SEMA6C: variants seen among roughly 807,000 people sequenced by gnomAD.
SEMA6C encodes the protein semaphorin 6C.
A neutral mutation model predicts 72.9 loss-of-function variants in SEMA6C; 37 were observed. The ratio of observed to expected loss-of-function variants is 0.51; its 90% confidence interval spans 0.39 to 0.67. The LOEUF (loss-of-function observed/expected upper bound fraction) is 0.67, where lower values mean the gene tolerates loss of function less well. Among genes scored for constraint, SEMA6C ranks in the 30% least tolerant of loss-of-function variants. SEMA6C has a pLI of 0.00. For synonymous variants in SEMA6C, 578 were observed against 554.1 expected, an observed-to-expected ratio of 1.04 and a Z score of -0.61; for missense variants, 1,189 against 1,263.6, an observed-to-expected ratio of 0.94 and a Z score of 0.89.
rs1233441882 is a variant in SEMA6C at position 151,133,488 on chromosome 1, C to A, written c.1789G>T (p.Ala597Ser). Residue 597 changes from alanine to serine, a missense_variant, in exon 19 of 19, where the codon GCC becomes TCC. By Grantham distance (99) the Ala-to-Ser change is moderately conservative. Around this residue, in one of 2 missense-constraint regions of SEMA6C, gnomAD observed 721 missense variants for 686.2 expected, o/e 1.05. Transcript: ENST00000368914. The surrounding 1 kb of genome is among the most constrained non-coding windows in gnomAD (Gnocchi z 5.9). ...GVRRDLPPAS[A>S]SRSVPIPLLL... ...AGTGGGATGGGGACGGAGCGGGAGGCCGAGGCTGGGGGCAGGTCCCGGCGC... is the reference window on the plus strand; with the variant it reads ...AGTGGGATGGGGACGGAGCGGGAGGACGAGGCTGGGGGCAGGTCCCGGCGC... The A allele has an allele frequency of 6.5e-7, 1 of 1,533,738 alleles. No homozygotes were observed.
chr1:151,138,543 G>T lies in SEMA6C; in HGVS notation c.456+87C>A, dbSNP rs1246632794. 3 of 1,458,842 alleles carry T rather than the reference G, an allele frequency of 2.1e-6. No individual in the cohort carries two copies. The highest frequency in any genetic ancestry group is 1.8e-5 in the Admixed American group (1 of 55,478). 90.4% of individuals were successfully genotyped at this position (1,458,842 alleles called of 1,614,324 possible). Reference sequence around the variant, plus strand: ...TTCTGGGCACTCCCATTCCCCAACCGCAGTCCTTGGTCCTTTCCCATCAAA... The same window carrying T: ...TTCTGGGCACTCCCATTCCCCAACCTCAGTCCTTGGTCCTTTCCCATCAAA... On this transcript the variant is annotated intron_variant, in intron 7 of 18. Coordinates refer to ENST00000368914, the MANE Select transcript of SEMA6C (RefSeq NM_030913.6).
In SEMA6C at chr1:151,132,039, T is replaced by G; in HGVS notation, c.*445A>C. ...CGACTGCCGCCCTCCCCCGCCCGAG[T>G]GAAGTCAGGCAGTGGCTGCAGACAC... On this transcript the variant is annotated 3_prime_UTR_variant, in exon 19 of 19. Transcript: ENST00000368914. The G allele has an allele frequency of 2.5e-6, 1 of 400,230 alleles. No individual in the cohort carries two copies. Among genetic ancestry groups the G allele is most frequent in the South Asian group, 2.3e-5 (1 of 43,624 alleles). 24.8% of individuals were successfully genotyped at this position (400,230 alleles called of 1,614,324 possible). A position where few individuals can be genotyped will look rare whatever the true frequency, so the allele number is the denominator to read the frequency against.
At chr1:151,140,261 TA>T (rs1477053813) in intron 3 of SEMA6C, among the ~76,000 whole-genome samples, 171 bp from the exon 4 acceptor site, 1 of 152,244 alleles carries the variant, frequency 6.6e-6, no homozygotes, top group Non-Finnish European at 1.5e-5. Context: ...AACACAGTGT[TA>T]GCACTTTACA....
intron 6 of SEMA6C, among the ~76,000 whole-genome samples, chr1:151,138,967 C>T (rs184635322): frequency 2.0e-5 from 3 of 152,178 alleles, no homozygotes; most frequent in Non-Finnish European, 2.9e-5. Context: ...GCAGCATGTG[C>T]CTGTAATCCC....
intron 3 of SEMA6C, among the ~76,000 whole-genome samples, chr1:151,140,668 T>C (rs143407818): frequency 8.3e-4 from 127 of 152,320 alleles, no homozygotes; most frequent in Middle Eastern, 3.4e-3. Flanking sequence ...GGTCAAAGGA[T>C]AGCCAGAGTT....
chr1:151,132,889 C>A lies in SEMA6C; in HGVS notation c.2388G>T (p.Pro796=). The part of the protein sequence containing the change: ...PPAPLTSRAL[P]PEPAPALLGG... Reference sequence around the variant, plus strand: ...CCAAGAGGGCGGGGGCGGGCTCCGGCGGGAGCGCCCGCGAGGTTAAAGGGG... The same window carrying A: ...CCAAGAGGGCGGGGGCGGGCTCCGGAGGGAGCGCCCGCGAGGTTAAAGGGG... The change falls in exon 19 of 19, where the codon CCG becomes CCT. Residue 796 remains proline (P), a synonymous_variant. Transcript: ENST00000368914. The A allele has an allele frequency of 1.5e-6, 2 of 1,309,442 alleles. No homozygotes were observed. The highest frequency in any genetic ancestry group is 9.7e-7 in the Non-Finnish European group (1 of 1,029,746). 81.1% of individuals were successfully genotyped at this position (1,309,442 alleles called of 1,614,324 possible).
In SEMA6C at chr1:151,132,021, C is replaced by T; in HGVS notation, c.*463G>A. 1 of 355,354 alleles carries T rather than the reference C, an allele frequency of 2.8e-6. No individual in the cohort carries two copies. Among genetic ancestry groups the T allele is most frequent in the Non-Finnish European group, 5.1e-6 (1 of 196,488 alleles). 22.0% of individuals were successfully genotyped at this position (355,354 alleles called of 1,614,324 possible). Reference sequence around the variant, plus strand: ...CGCCCAGAGCGAGCCGACCGACTGCCGCCCTCCCCCGCCCGAGTGAAGTCA... The same window carrying T: ...CGCCCAGAGCGAGCCGACCGACTGCTGCCCTCCCCCGCCCGAGTGAAGTCA... On this transcript the variant is annotated 3_prime_UTR_variant, in exon 19 of 19. Coordinates refer to ENST00000368914, the MANE Select transcript of SEMA6C (RefSeq NM_030913.6).
rs1344688600 is a variant in SEMA6C, at chr1:151,134,048, C to T, written c.1759+353G>A. On this transcript the variant is annotated intron_variant, in intron 18 of 18. Transcript: ENST00000368914. ...GGGTCCCAGGGGAAGGGCCAGGACCCGGAAGCACTGGTGGCAGAGACCAGG... is the reference window on the plus strand; with the variant it reads ...GGGTCCCAGGGGAAGGGCCAGGACCTGGAAGCACTGGTGGCAGAGACCAGG... The T allele has an allele frequency of 5.9e-6, 9 of 1,516,810 alleles. No individual in the cohort carries two copies. The African/African-American group carries it at 7.0e-5, about 12-fold the overall frequency. The allele number at this position is 1,516,810 out of a possible 1,614,324, so 94.0% of individuals were successfully genotyped here.
chr1:151,141,744 T>C (rs1187622471), intron 3 of SEMA6C, among the ~76,000 whole-genome samples: 1 of 150,334 alleles, frequency 6.7e-6, no homozygotes, highest in African/African-American at 2.4e-5. Context: ...TTTTTTTTTT[T>C]TTTAAAGAGA....
intron 15 of SEMA6C, 103 bp from the exon 16 acceptor site, chr1:151,134,978 A>G: frequency 1.5e-6 from 2 of 1,353,260 alleles, no homozygotes; most frequent in South Asian, 2.4e-5. Context: ...TCCCAGCCTC[A>G]TTCTCTCCTG....
In SEMA6C at chr1:151,135,152, G is replaced by T. The variant is rs1348871587; in HGVS notation, c.1580+11C>A. 6.2e-6 allele frequency: 10 copies of T among 1,612,930 alleles called. No homozygotes were observed. The highest frequency in any genetic ancestry group is 8.5e-6 in the Non-Finnish European group (10 of 1,179,454). ...TTGCCCACACAGGGCCTGGCCTCAGGCCCCTCTCACCTCTGACAGGCCCCA... is the reference window on the plus strand; with the variant it reads ...TTGCCCACACAGGGCCTGGCCTCAGTCCCCTCTCACCTCTGACAGGCCCCA... On this transcript the variant is annotated intron_variant, in intron 15 of 18. Transcript: ENST00000368914.
Position 151,132,220 on chromosome 1 carries a change from A to C in SEMA6C, c.*264T>G. 2.0e-6 allele frequency: 3 copies of C among 1,488,838 alleles called. No individual in the cohort carries two copies. The highest frequency in any genetic ancestry group is 1.8e-6 in the Non-Finnish European group (2 of 1,117,584). 92.2% of individuals were successfully genotyped at this position (1,488,838 alleles called of 1,614,324 possible). A position where few individuals can be genotyped will look rare whatever the true frequency, so the allele number is the denominator to read the frequency against. On this transcript the variant is annotated 3_prime_UTR_variant, in exon 19 of 19. Transcript: ENST00000368914. ...AGTTAAGGCAGCTTGGCTGGAAGGG[A>C]GCGGGGAGTGGGAGTCCGCCAGCTC...
At chr1:151,140,114 T>A in intron 3 of SEMA6C, 24 bp from the exon 4 acceptor site, 1 of 1,594,838 alleles carries the variant, frequency 6.3e-7, no homozygotes, top group Non-Finnish European at 8.6e-7. Flanking sequence ...AGAGATAGGA[T>A]TCTGAGGATA....
At position 151,134,090 on chromosome 1, in the gene SEMA6C, T is replaced by G. The variant is rs1681811949; in HGVS notation, c.1759+311A>C. 2.8e-6 allele frequency: 4 copies of G among 1,407,046 alleles called. No homozygotes were observed. The South Asian group carries it at 5.8e-5, about 21-fold the overall frequency. The allele number at this position is 1,407,046 out of a possible 1,614,324, so 87.2% of individuals were successfully genotyped here. A position where few individuals can be genotyped will look rare whatever the true frequency, so the allele number is the denominator to read the frequency against. ...GAGACCAGGTCAGAGCCAGTGAGGC[T>G]CTTGATCTCTACCCCTGACACCCTT... On this transcript the variant is annotated intron_variant, in intron 18 of 18. Transcript: ENST00000368914.
Position 151,137,064 on chromosome 1 carries a change from G to A in SEMA6C, c.767C>T (p.Ser256Phe), listed in dbSNP as rs1395556119. The A allele has an allele frequency of 1.2e-6, 2 of 1,613,290 alleles. No individual in the cohort carries two copies. The highest frequency in any genetic ancestry group is 2.7e-5 in the African/African-American group (2 of 75,026). The part of the protein sequence containing the change: ...EDARLGRVQF[S>F]RVARVCKRDM... The stretch of plus-strand genomic sequence containing the variant: ...ACGTTTACATACTCGGGCTACGCGG[G>A]AGAACTGCACCTAGGGGAGGAGAGT... Residue 256 changes from serine to phenylalanine, a missense_variant, in exon 11 of 19, where the codon TCC (serine) becomes TTC (phenylalanine). Transcript: ENST00000368914.
Position 151,133,428 on chromosome 1 carries a change from C to CT in SEMA6C, c.1848_1849insA (p.Gly617ArgfsTer411), listed in dbSNP as rs1681745435. 6.3e-7 allele frequency: 1 copy of CT among 1,587,598 alleles called. No individual in the cohort carries two copies. Among genetic ancestry groups the CT allele is most frequent in the Non-Finnish European group, 8.5e-7 (1 of 1,170,824 alleles). On this transcript the variant is annotated frameshift_variant, in exon 19 of 19. Coordinates refer to ENST00000368914, the MANE Select transcript of SEMA6C (RefSeq NM_030913.6). LOFTEE classifies it low-confidence loss of function (END_TRUNC). This position sits in a 1 kb window ranked among gnomAD's most constrained non-coding sequence, Gnocchi z 5.9. ...ACCAGGAGGCCAGAGACTGAGGCGC[C>CT]CAGGGCAAAAGCTGCGGCCACACTG... is the stretch of plus-strand genomic sequence containing the variant.
rs1473303306 is a variant in SEMA6C, at chr1:151,132,941, G to A, written c.2336C>T (p.Pro779Leu). The A allele has an allele frequency of 2.9e-6, 4 of 1,400,672 alleles. No individual in the cohort carries two copies. Among genetic ancestry groups the A allele is most frequent in the Non-Finnish European group, 2.8e-6 (3 of 1,074,850 alleles). 86.8% of individuals were successfully genotyped at this position (1,400,672 alleles called of 1,614,324 possible). A position where few individuals can be genotyped will look rare whatever the true frequency, so the allele number is the denominator to read the frequency against. ...ELLRYLHGPQ[P>L]PRKGAEPPAP... ...GGGGGGCTCGGCCCCCTTTCTGGGC[G>A]GCTGCGGGCCGTGCAGGTAGCGCAG... The change falls in exon 19 of 19, where the codon CCG (proline) becomes CTG (leucine). Residue 779 changes from proline (P) to leucine (L), a missense_variant. Physicochemically the swap from Pro to Leu is moderately conservative, Grantham distance 98. Around this residue, in one of 2 missense-constraint regions of SEMA6C, gnomAD observed 721 missense variants for 686.2 expected, o/e 1.05. Coordinates refer to ENST00000368914, the MANE Select transcript of SEMA6C (RefSeq NM_030913.6).
intron 5 of SEMA6C, 44 bp downstream of exon 5, chr1:151,139,594 A>C: frequency 6.2e-7 from 1 of 1,607,420 alleles, no homozygotes; most frequent in Non-Finnish European, 8.5e-7. Flanking sequence ...GACCTTTCCC[A>C]GCCTCATCTC....
At chr1:151,137,314 T>C (rs947045499) in intron 10 of SEMA6C, among the ~76,000 whole-genome samples, 2 of 151,828 alleles carry the variant, frequency 1.3e-5, no homozygotes, top group African/African-American at 4.8e-5. Flanking sequence ...GGCATGGTGG[T>C]GGGCACCTGT....
Sources: allele counts gnomAD v4.1 joint callset (sites outside exome capture counted in the v4.1 genomes callset), GRCh38; gene constraint gnomAD v4.1.1; regional missense constraint gnomAD v4.1.1; non-coding constraint Gnocchi (gnomAD v3.1); transcripts MANE v1.5; gene names NCBI Gene and HGNC (gene_info 2026-07-23, HGNC 2026-07-21).